PRKAR2B: variants seen among roughly 807,000 people sequenced by gnomAD.
PRKAR2B encodes the protein protein kinase cAMP-dependent type II regulatory subunit beta, also known as cAMP-dependent protein kinase type II-beta regulatory subunit.
Under a neutral mutation model 49.9 loss-of-function variants are expected in PRKAR2B, and 14 were observed. The ratio of observed to expected loss-of-function variants is 0.28; its 90% CI spans 0.19 to 0.44. The LOEUF (loss-of-function observed/expected upper bound fraction) is 0.44. Ranked by LOEUF, PRKAR2B falls within the 20% of genes least tolerant of loss-of-function variation. The pLI, the probability that PRKAR2B is intolerant of heterozygous loss-of-function variation, is 1.00. For missense variants in PRKAR2B, 393 were observed against 537.9 expected (o/e 0.73, Z 2.67); for synonymous variants, 196 against 197.7 (o/e 0.99, Z 0.07).
intron 2 of PRKAR2B, among the ~76,000 whole-genome samples, chr7:107,105,035 T>G (rs997185919): frequency 1.3e-5 from 2 of 152,190 alleles, no homozygotes; most frequent in Non-Finnish European, 2.9e-5. Context: ...AGTTAGTACT[T>G]TAAAGTCTAT....
At chr7:107,063,046 AAGACTGG>A (rs1488142410) in intron 1 of PRKAR2B, among the ~76,000 whole-genome samples, 1 of 152,060 alleles carries the variant, frequency 6.6e-6, no homozygotes, top group Non-Finnish European at 1.5e-5. Flanking sequence ...CTCTGTCACC[AAGACTGG>A]AGTGCGGTGG....
intron 2 of PRKAR2B, among the ~76,000 whole-genome samples, chr7:107,106,273 T>A (rs1795070375): frequency 6.6e-6 from 1 of 152,248 alleles, no homozygotes; most frequent in East Asian, 1.9e-4. Context: ...TGGGAACCCC[T>A]CTGGTAATCC....
At chr7:107,111,418 A>G (rs1382988284) in intron 2 of PRKAR2B, among the ~76,000 whole-genome samples, 1 of 152,174 alleles carries the variant, frequency 6.6e-6, no homozygotes, top group African/African-American at 2.4e-5. Flanking sequence ...CATAGGCCAT[A>G]GCCAGGTGGT....
At chr7:107,081,539 A>G (rs1794514120) in intron 2 of PRKAR2B, among the ~76,000 whole-genome samples, 1 of 151,894 alleles carries the variant, frequency 6.6e-6, no homozygotes, top group African/African-American at 2.4e-5. Context: ...CTGATATTTT[A>G]AAAGTTAATA....
chr7:107,133,440 A>G (rs1327696357), intron 4 of PRKAR2B, among the ~76,000 whole-genome samples: 2 of 152,262 alleles, frequency 1.3e-5, no homozygotes, highest in Non-Finnish European at 2.9e-5. Context: ...AAAAAAGTCA[A>G]TATATAAATA....
rs138996723 is a variant in PRKAR2B, at chr7:107,138,685, G to A, written c.481-2162G>A. ...ATCTCAGCCTCTCCTGAGTAGCTGA[G>A]ACTACTCATTTTTTTTGAGACAGAG... On this transcript the variant is annotated intron_variant, in intron 4 of 10. Transcript: ENST00000265717. Among the ~76,000 whole-genome samples the A allele has an allele frequency of 2.7e-5, 4 of 147,970 alleles. No homozygotes were observed. The East Asian group carries it at 8.0e-4, about 30-fold the overall frequency.
intron 1 of PRKAR2B, chr7:107,067,270 G>C (rs142520493): frequency 6.6e-6 from 1 of 152,194 alleles, no homozygotes; most frequent in Non-Finnish European, 1.5e-5. Context: ...TTAGAAAAAT[G>C]ATGAAGGTGA....
intron 1 of PRKAR2B, among the ~76,000 whole-genome samples, chr7:107,063,982 GTT>G (rs1248177757): frequency 6.6e-6 from 1 of 152,186 alleles, no homozygotes; most frequent in Non-Finnish European, 1.5e-5. Context: ...AAAAGAGACA[GTT>G]TTGTGTATGG....
intron 3 of PRKAR2B, among the ~76,000 whole-genome samples, chr7:107,123,068 C>T (rs1346565852): frequency 6.6e-6 from 1 of 152,190 alleles, no homozygotes; most frequent in East Asian, 1.9e-4. Flanking sequence ...CTTTATGTAT[C>T]TAGCAGAAAC....
At chr7:107,079,731 C>T (rs554955946) in intron 2 of PRKAR2B, among the ~76,000 whole-genome samples, 3 of 152,222 alleles carry the variant, frequency 2.0e-5, no homozygotes, top group South Asian at 2.1e-4. Flanking sequence ...TGTTACACAT[C>T]GTTTGATGTT....
rs35682952 is a variant in PRKAR2B at position 107,126,420 on chromosome 7, C to CAAAAAAAAAAAAAAAAA, written c.397-1785_397-1769dup. Among the ~76,000 whole-genome samples, 85 of 38,398 alleles carry CAAAAAAAAAAAAAAAAA rather than the reference C, an allele frequency of 2.2e-3. 7 individuals are homozygous for CAAAAAAAAAAAAAAAAA. Among genetic ancestry groups the CAAAAAAAAAAAAAAAAA allele is most frequent in the African/African-American group, 6.7e-3 (64 of 9,544 alleles). 25.2% of individuals were successfully genotyped at this position (38,398 alleles called of 152,430 possible). A position where few individuals can be genotyped will look rare whatever the true frequency, so the allele number is the denominator to read the frequency against. The stretch of plus-strand genomic sequence containing the variant: ...TGGGCAACAGAGTGAGAATCTGTCT[C>CAAAAAAAAAAAAAAAAA]AAAAAAAAAAAAAAAAAAAAAAAGT... On this transcript the variant is annotated intron_variant, in intron 3 of 10. Coordinates refer to ENST00000265717, the MANE Select transcript of PRKAR2B (RefSeq NM_002736.3).
chr7:107,139,682 T>A (rs946433897), intron 4 of PRKAR2B, among the ~76,000 whole-genome samples: 1 of 152,204 alleles, frequency 6.6e-6, no homozygotes, highest in African/African-American at 2.4e-5. Context: ...GCCCTGAAAC[T>A]CTCTCATCCA....
At chr7:107,076,766 A>G (rs921061495) in intron 2 of PRKAR2B, among the ~76,000 whole-genome samples, 1 of 152,216 alleles carries the variant, frequency 6.6e-6, no homozygotes, top group Non-Finnish European at 1.5e-5. Flanking sequence ...TTTTCTGTAA[A>G]CTATGATGTA....
chr7:107,044,958 G>C lies in PRKAR2B; in HGVS notation c.51G>C (p.Thr17=). 2 of 1,595,440 alleles carry C rather than the reference G, an allele frequency of 1.3e-6. No individual in the cohort carries two copies. The highest frequency in any genetic ancestry group is 8.5e-7 in the Non-Finnish European group (1 of 1,173,480). Residue 17 remains threonine, a synonymous_variant, in exon 1 of 11, where the codon ACG becomes ACC. Coordinates refer to ENST00000265717, the MANE Select transcript of PRKAR2B (RefSeq NM_002736.3). ...TGACGGAGCTGCTGCAGGGCTTCAC[G>C]GTGGAGGTGCTGAGGCACCAGCCCG... The part of the protein sequence containing the change: ...AGLTELLQGF[T]VEVLRHQPAD...
At chr7:107,074,875 G>C (rs6960842) in intron 2 of PRKAR2B, among the ~76,000 whole-genome samples, 94,925 of 151,822 alleles carry the variant, frequency 0.63, 30,077 homozygotes, top group African/African-American at 0.73. Flanking sequence ...TAAGAGTAAA[G>C]CTTTAATCAA....
Position 107,111,154 on chromosome 7 carries a change from G to A in PRKAR2B, c.344-10798G>A, listed in dbSNP as rs186602200. Among the ~76,000 whole-genome samples, 23 of 152,280 alleles carry A rather than the reference G, an allele frequency of 1.5e-4. No individual in the cohort carries two copies. The East Asian group carries it at 4.4e-3, about 29-fold the overall frequency. On this transcript the variant is annotated intron_variant, in intron 2 of 10. Transcript: ENST00000265717. ...GTACGCCCCATAGGTCTATAGTGGT[G>A]GTGGCCACAGGGTGAGGTTCCTCTG...
intron 7 of PRKAR2B, among the ~76,000 whole-genome samples, chr7:107,152,883 A>G (rs1282370620): frequency 1.3e-5 from 2 of 152,230 alleles, no homozygotes; most frequent in Non-Finnish European, 2.9e-5. Context: ...GGACTTTGGC[A>G]GATTGGAGAA....
intron 2 of PRKAR2B, chr7:107,081,999 C>G (rs1794523940): frequency 6.6e-6 from 1 of 152,092 alleles, no homozygotes; most frequent in South Asian, 2.1e-4. Context: ...ATATAGGCTA[C>G]AAATACAGCA....
intron 2 of PRKAR2B, among the ~76,000 whole-genome samples, chr7:107,072,338 A>G (rs771313243): frequency 2.6e-5 from 4 of 152,076 alleles, no homozygotes; most frequent in Admixed American, 6.5e-5. Flanking sequence ...GCTGGAAACC[A>G]TCAGGAGAAT....
Sources: allele counts gnomAD v4.1 joint callset (sites outside exome capture counted in the v4.1 genomes callset), GRCh38; gene constraint gnomAD v4.1.1; transcripts MANE v1.5; gene names NCBI Gene and HGNC (gene_info 2026-07-23, HGNC 2026-07-21).